The following CYLC2 variants were observed in gnomAD, a reference collection of about 807,000 sequenced individuals.
The protein encoded by CYLC2 is cylicin-2.
Under a neutral mutation model 26.1 loss-of-function variants are expected in CYLC2, and 30 were observed. The observed-to-expected ratio is 1.15, with a 90% CI of 0.86 to 1.56. The LOEUF is 1.56. Among genes scored for constraint, CYLC2 ranks in the 40% most tolerant of loss-of-function variants. The probability of loss-of-function intolerance (pLI) is 0.00; values close to 1 mark genes in which losing one functional copy is unlikely to be tolerated. For missense variants in CYLC2, 498 were observed against 394.4 expected, an observed-to-expected ratio of 1.26 and a Z score of -2.23; for synonymous variants, 158 against 132.8, an observed-to-expected ratio of 1.19 and a Z score of -1.31.
In CYLC2 at chr9:103,005,719, C is replaced by A; in HGVS notation, c.*41C>A. 1 of 1,556,914 alleles carries A rather than the reference C, an allele frequency of 6.4e-7. No individual in the cohort carries two copies. Among genetic ancestry groups the A allele is most frequent in the Non-Finnish European group, 8.7e-7 (1 of 1,153,118 alleles). On this transcript the variant is annotated 3_prime_UTR_variant, in exon 5 of 8. Transcript: ENST00000374798. ...TTGAACCGAAAGAATAATTCAAAAGCATATTTGATGAAACAATAGTGGTAG... is the reference window on the plus strand; with the variant it reads ...TTGAACCGAAAGAATAATTCAAAAGAATATTTGATGAAACAATAGTGGTAG...
In CYLC2 at chr9:103,006,342, T is replaced by C. The variant is rs1286031877; in HGVS notation, c.*664T>C. ...CAACCACAGTCATGTTTATGGTTGT[T>C]GGATGTGCCACTTCCAATCCAAAAG... is the stretch of plus-strand genomic sequence containing the variant. On this transcript the variant is annotated 3_prime_UTR_variant, in exon 5 of 8. Transcript: ENST00000374798. 1 of 152,160 alleles carries C rather than the reference T, an allele frequency of 6.6e-6. No individual in the cohort carries two copies. Among genetic ancestry groups the C allele is most frequent in the East Asian group, 1.9e-4 (1 of 5,192 alleles). The allele number at this position is 152,160 out of a possible 1,614,324, so 9.4% of individuals were successfully genotyped here. A position where few individuals can be genotyped will look rare whatever the true frequency, so the allele number is the denominator to read the frequency against.
In CYLC2 at chr9:103,000,750, G is replaced by A. The variant is rs530278479; in HGVS notation, c.18-828G>A. Among the ~76,000 whole-genome samples the A allele has an allele frequency of 2.6e-5, 4 of 152,078 alleles. No homozygotes were observed. The South Asian group carries it at 8.3e-4, about 32-fold the overall frequency. Reference sequence around the variant, plus strand: ...TCAAATAAACACCACGTGTGTGTTTGTGTATGAGCACAAAAGCCTCAAACT... The same window carrying A: ...TCAAATAAACACCACGTGTGTGTTTATGTATGAGCACAAAAGCCTCAAACT... On this transcript the variant is annotated intron_variant, in intron 1 of 7. Coordinates refer to ENST00000374798, the MANE Select transcript of CYLC2 (RefSeq NM_001340.5).
rs771609795 is a variant in CYLC2, at chr9:103,005,581, A to C, written c.950A>C (p.Lys317Thr). The change falls in exon 5 of 8, where the codon AAG (lysine) becomes ACG (threonine). Residue 317 changes from lysine (K) to threonine (T), a missense_variant. Lys to Thr is a moderately conservative substitution (Grantham distance 78, BLOSUM62 -1). Coordinates refer to ENST00000374798, the MANE Select transcript of CYLC2 (RefSeq NM_001340.5). The part of the protein sequence containing the change: ...DTEKESADSK[K>T]DAKKNAKKDA... ...GAGAAAGAATCTGCTGATTCAAAGAAGGATGCAAAGAAAAATGCTAAGAAG... is the reference window on the plus strand; with the variant it reads ...GAGAAAGAATCTGCTGATTCAAAGACGGATGCAAAGAAAAATGCTAAGAAG... 1.2e-6 allele frequency: 2 copies of C among 1,609,578 alleles called. No homozygotes were observed. The highest frequency in any genetic ancestry group is 8.5e-7 in the Non-Finnish European group (1 of 1,177,076).
Position 103,005,049 on chromosome 9 carries a change from G to T in CYLC2, c.418G>T (p.Asp140Tyr), listed in dbSNP as rs903032981. The change falls in exon 5 of 8, where the codon GAT (aspartate) becomes TAT (tyrosine). Residue 140 changes from aspartate to tyrosine, a missense_variant. Physicochemically the swap from Asp to Tyr is radical, Grantham distance 160. Transcript: ENST00000374798. ...ATCAGAATTAAAACAAGGAAAAAAA[G>T]ATTCAAAGAAAGGCAAGGATATAGA... ...SESELKQGKK[D>Y]SKKGKDIEKG... is the part of the protein sequence containing the mutation. 3.1e-6 allele frequency: 5 copies of T among 1,599,030 alleles called. No individual in the cohort carries two copies. The highest frequency in any genetic ancestry group is 4.3e-6 in the Non-Finnish European group (5 of 1,176,190).
chr9:103,005,659 C>A lies in CYLC2; in HGVS notation c.1028C>A (p.Ala343Glu). Residue 343 changes from alanine (A) to glutamate (E), a missense_variant, in exon 5 of 8, where the codon GCA becomes GAA. Physicochemically the swap from Ala to Glu is moderately radical, Grantham distance 107. Coordinates refer to ENST00000374798, the MANE Select transcript of CYLC2 (RefSeq NM_001340.5). ...GCAAAGAAGGATGAAAAGAAGGATG[C>A]AAAGAAGAAGGGCAAGTAGGCCTTG... ...KNAKKDEKKD[A>E]KKKGK 6.2e-7 allele frequency: 1 copy of A among 1,609,220 alleles called. No individual in the cohort carries two copies. The highest frequency in any genetic ancestry group is 8.5e-7 in the Non-Finnish European group (1 of 1,178,358).
chr9:103,003,247 G>T lies in CYLC2; in HGVS notation c.164G>T (p.Arg55Leu). 6.2e-7 allele frequency: 1 copy of T among 1,612,960 alleles called. No individual in the cohort carries two copies. The highest frequency in any genetic ancestry group is 8.5e-7 in the Non-Finnish European group (1 of 1,179,434). The change falls in exon 3 of 8, where the codon CGG becomes CTG. Residue 55 changes from arginine (R) to leucine (L), a missense_variant. Coordinates refer to ENST00000374798, the MANE Select transcript of CYLC2 (RefSeq NM_001340.5). ...TKRRSKPSQI[R>L]DNTVSIIDEE... is the part of the protein sequence containing the mutation. The stretch of plus-strand genomic sequence containing the variant: ...AGGAGATCAAAACCTTCTCAAATAC[G>T]GGACAACACGGTTTCTGTAAGCATT...
chr9:103,010,957 C>T (rs989952617), intron 5 of CYLC2, among the ~76,000 whole-genome samples: 7 of 152,056 alleles, frequency 4.6e-5, no homozygotes, highest in African/African-American at 1.7e-4. Flanking sequence ...ATGTAAAACA[C>T]TGAAGTCAAA....
Position 103,005,041 on chromosome 9 carries a change from G to A in CYLC2, c.410G>A (p.Gly137Glu). 3 of 1,597,646 alleles carry A rather than the reference G, an allele frequency of 1.9e-6. No individual in the cohort carries two copies. Among genetic ancestry groups the A allele is most frequent in the South Asian group, 1.1e-5 (1 of 88,590 alleles). Residue 137 changes from glycine (G) to glutamate (E), a missense_variant, in exon 5 of 8, where the codon GGA becomes GAA. Physicochemically the swap from Gly to Glu is moderately conservative, Grantham distance 98. Coordinates refer to ENST00000374798, the MANE Select transcript of CYLC2 (RefSeq NM_001340.5). ...TTDSESELKQ[G>E]KKDSKKGKDI... is the part of the protein sequence containing the mutation. The stretch of plus-strand genomic sequence containing the variant: ...GATTCGGAATCAGAATTAAAACAAG[G>A]AAAAAAAGATTCAAAGAAAGGCAAG...
intron 6 of CYLC2, among the ~76,000 whole-genome samples, chr9:103,013,285 T>TATATATATATATAAATA (rs1399726293): frequency 1.2e-5 from 1 of 80,452 alleles, no homozygotes; most frequent in South Asian, 4.4e-4. Flanking sequence ...ATATAACACA[T>TATATATATATATAAATA]TAAATATATA....
chr9:103,017,325 G>A (rs1246053399), intron 7 of CYLC2, among the ~76,000 whole-genome samples: 1 of 151,876 alleles, frequency 6.6e-6, no homozygotes, highest in Non-Finnish European at 1.5e-5. Flanking sequence ...GTTCATCATA[G>A]TTTAAATTTT....
In CYLC2 at chr9:102,995,368, A is replaced by T; in HGVS notation, c.-13A>T. 1 of 1,602,678 alleles carries T rather than the reference A, an allele frequency of 6.2e-7. No homozygotes were observed. The highest frequency in any genetic ancestry group is 1.1e-5 in the South Asian group (1 of 90,702). The stretch of plus-strand genomic sequence containing the variant: ...TACAATACTTAAGTCCTGGCAAGTC[A>T]TAAGTGGGGAAAATGTCTCTCCCAA... On this transcript the variant is annotated 5_prime_UTR_variant, in exon 1 of 8. Coordinates refer to ENST00000374798, the MANE Select transcript of CYLC2 (RefSeq NM_001340.5).
Position 103,007,246 on chromosome 9 carries a change from G to A in CYLC2, c.*700+868G>A, listed in dbSNP as rs187466952. ...AAAAAGTGTCTGTGGAAAGGTTAAG[G>A]AAGTCTGTCATGAGGGAGAGGTTAC... On this transcript the variant is annotated intron_variant, in intron 5 of 7. Transcript: ENST00000374798. 1.9e-3 allele frequency among the ~76,000 whole-genome samples: 287 copies of A among 152,158 alleles called. 3 individuals carry two copies. Among genetic ancestry groups the A allele is most frequent in the African/African-American group, 6.7e-3 (280 of 41,542 alleles).
rs1829469134 is a variant in CYLC2 at position 103,014,546 on chromosome 9, T to TTACGCAATATACATCA, written c.*817-2340_*817-2339insCGCAATATACATCATA. The stretch of plus-strand genomic sequence containing the variant: ...ATATGCAATATACATCATATGTATA[T>TTACGCAATATACATCA]TATGCAGTATACATCATATGTATAT... On this transcript the variant is annotated intron_variant, in intron 6 of 7. Coordinates refer to ENST00000374798, the MANE Select transcript of CYLC2 (RefSeq NM_001340.5). Among the ~76,000 whole-genome samples the TTACGCAATATACATCA allele has an allele frequency of 3.0e-5, 4 of 135,028 alleles. 1 individual carries two copies. The highest frequency in any genetic ancestry group is 4.5e-4 in the South Asian group (2 of 4,470). 88.6% of individuals were successfully genotyped at this position (135,028 alleles called of 152,430 possible). A position where few individuals can be genotyped will look rare whatever the true frequency, so the allele number is the denominator to read the frequency against.
rs1829512282 is a variant in CYLC2 at position 103,016,910 on chromosome 9, CTTGCTGGAG to C, written c.*840_*848del. 6.6e-6 allele frequency: 1 copy of C among 151,894 alleles called. No individual in the cohort carries two copies. Among genetic ancestry groups the C allele is most frequent in the African/African-American group, 2.4e-5 (1 of 41,398 alleles). The allele number at this position is 151,894 out of a possible 1,614,324, so 9.4% of individuals were successfully genotyped here. ...AAGGGAAGGAAAATAGCTGGCATTTCTTGCTGGAGAAAGTTATCACAAGTGGAAAGGTTA... is the reference window on the plus strand; with the variant it reads ...AAGGGAAGGAAAATAGCTGGCATTTCAAAGTTATCACAAGTGGAAAGGTTA... On this transcript the variant is annotated 3_prime_UTR_variant, in exon 7 of 8. Coordinates refer to ENST00000374798, the MANE Select transcript of CYLC2 (RefSeq NM_001340.5).
rs1829330103 is a variant in CYLC2, at chr9:103,005,238, G to T, written c.607G>T (p.Ala203Ser). The T allele has an allele frequency of 1.9e-6, 3 of 1,612,516 alleles. No individual in the cohort carries two copies. Among genetic ancestry groups the T allele is most frequent in the Non-Finnish European group, 2.5e-6 (3 of 1,179,688 alleles). ...GGATTCAAACAAAGGCAAAGACTCG[G>T]CAACAGAATCTGAAGGTGAAAAAGG... The part of the protein sequence containing the change: ...KKDSNKGKDS[A>S]TESEGEKGGT... Residue 203 changes from alanine (A) to serine (S), a missense_variant, in exon 5 of 8, where the codon GCA (alanine) becomes TCA (serine). Transcript: ENST00000374798.
At chr9:103,000,039 GA>G (rs1187607382) in intron 1 of CYLC2, among the ~76,000 whole-genome samples, 1 of 151,680 alleles carries the variant, frequency 6.6e-6, no homozygotes, top group Non-Finnish European at 1.5e-5. Context: ...TTTCAATGGA[GA>G]GATGTAAAAC....
chr9:103,005,804 G>A lies in CYLC2; in HGVS notation c.*126G>A, dbSNP rs1293408852. On this transcript the variant is annotated 3_prime_UTR_variant, in exon 5 of 8. Coordinates refer to ENST00000374798, the MANE Select transcript of CYLC2 (RefSeq NM_001340.5). Reference sequence around the variant, plus strand: ...CAAAGAATTAAATAATTTTTAAAAGGTGGTAAAGAAGGATACAAAGGAGAA... The same window carrying A: ...CAAAGAATTAAATAATTTTTAAAAGATGGTAAAGAAGGATACAAAGGAGAA... 6 of 1,078,424 alleles carry A rather than the reference G, an allele frequency of 5.6e-6. No individual in the cohort carries two copies. The highest frequency in any genetic ancestry group is 8.0e-6 in the Non-Finnish European group (6 of 747,188). The allele number at this position is 1,078,424 out of a possible 1,614,324, so 66.8% of individuals were successfully genotyped here. A position where few individuals can be genotyped will look rare whatever the true frequency, so the allele number is the denominator to read the frequency against.
At chr9:103,013,309 T>G (rs1344391351) in intron 6 of CYLC2, among the ~76,000 whole-genome samples, 2 of 54,346 alleles carry the variant, frequency 3.7e-5, no homozygotes, top group Admixed American at 2.7e-4. Flanking sequence ...ACATGTTATA[T>G]GTTTATATAA....
At chr9:103,002,979 C>A (rs1829303294) in intron 2 of CYLC2, among the ~76,000 whole-genome samples, 163 bp from the exon 3 acceptor site, 1 of 152,088 alleles carries the variant, frequency 6.6e-6, no homozygotes, top group Non-Finnish European at 1.5e-5. Context: ...TTTTTATTTT[C>A]TCATATTGAT....
Sources: allele counts gnomAD v4.1 joint callset (sites outside exome capture counted in the v4.1 genomes callset), GRCh38; gene constraint gnomAD v4.1.1; transcripts MANE v1.5; gene names NCBI Gene and HGNC (gene_info 2026-07-23, HGNC 2026-07-21).